Variants in PALS1 observed in about 807,000 individuals in gnomAD.
The protein encoded by PALS1 is protein associated with LIN7 1, MAGUK p55 family member.
In PALS1, 31 loss-of-function variants were observed where a neutral mutation model predicts 78.9. The observed-to-expected ratio is 0.39, with a 90% CI of 0.30 to 0.53. PALS1 has a LOEUF of 0.53. PALS1 is among the 20% of genes least tolerant of loss of function. PALS1 has a pLI of 0.67. For synonymous variants in PALS1, 276 were observed against 270.9 expected (o/e 1.02, Z -0.18); for missense variants, 704 against 826.5 (o/e 0.85, Z 1.82).
At chr14:67,293,552 C>G (rs2084803786) in intron 4 of PALS1, among the ~76,000 whole-genome samples, 1 of 152,094 alleles carries the variant, frequency 6.6e-6, no homozygotes, top group South Asian at 2.1e-4. Flanking sequence ...AGATATTTTT[C>G]TCACTTGTCA....
In PALS1 at chr14:67,300,336, C is replaced by CTTTTTTTTTTTTTTTTTTTTT. The variant is rs36091817; in HGVS notation, c.577-1042_577-1041insTTTTTTTTTTTTTTTTTTTTT. On this transcript the variant is annotated intron_variant, in intron 4 of 14. Transcript: ENST00000261681. ...ACTGGGTTCCTGTATTATGAATTAC[C>CTTTTTTTTTTTTTTTTTTTTT]TTTTTTTTTTTGAGAAAGTCTCATT... is the stretch of plus-strand genomic sequence containing the variant. Among the ~76,000 whole-genome samples, 70 of 139,060 alleles carry CTTTTTTTTTTTTTTTTTTTTT rather than the reference C, an allele frequency of 5.0e-4. 1 individual carries two copies. Among genetic ancestry groups the CTTTTTTTTTTTTTTTTTTTTT allele is most frequent in the Non-Finnish European group, 7.7e-4 (50 of 65,004 alleles). 91.2% of individuals were successfully genotyped at this position (139,060 alleles called of 152,430 possible). A position where few individuals can be genotyped will look rare whatever the true frequency, so the allele number is the denominator to read the frequency against.
At position 67,300,965 on chromosome 14, in the gene PALS1, T is replaced by G. The variant is rs560716928; in HGVS notation, c.577-424T>G. 2.4e-3 allele frequency among the ~76,000 whole-genome samples: 369 copies of G among 152,264 alleles called. 1 individual carries two copies. Among genetic ancestry groups the G allele is most frequent in the Non-Finnish European group, 4.2e-3 (284 of 68,014 alleles). On this transcript the variant is annotated intron_variant, in intron 4 of 14. Transcript: ENST00000261681. ...CCTCAGCCTCTCAAAGTGCTGGGAT[T>G]ACAGGTGTGAGCCACTGCACCCAGC... is the stretch of plus-strand genomic sequence containing the variant.
chr14:67,292,368 C>T (rs925709631), intron 3 of PALS1, 143 bp from the exon 4 acceptor site: 18 of 574,818 alleles, frequency 3.1e-5, no homozygotes, highest in Non-Finnish European at 1.8e-5. Context: ...ATGAAATGAC[C>T]ATGATTGACA....
chr14:67,302,337 A>G lies in PALS1; in HGVS notation c.802-73A>G, dbSNP rs1196448973. On this transcript the variant is annotated intron_variant, in intron 6 of 14. Coordinates refer to ENST00000261681, the MANE Select transcript of PALS1 (RefSeq NM_022474.4). Reference sequence around the variant, plus strand: ...GTTAGTATTGTTGAATGGAAAAAATAGAATTTAAAAATAAATGCTTAACAA... The same window carrying G: ...GTTAGTATTGTTGAATGGAAAAAATGGAATTTAAAAATAAATGCTTAACAA... 7 of 1,212,802 alleles carry G rather than the reference A, an allele frequency of 5.8e-6. No homozygotes were observed. The East Asian group carries it at 1.2e-4, about 21-fold the overall frequency. 75.1% of individuals were successfully genotyped at this position (1,212,802 alleles called of 1,614,324 possible).
At chr14:67,289,813 C>T (rs902744996) in intron 3 of PALS1, among the ~76,000 whole-genome samples, 3 of 148,452 alleles carry the variant, frequency 2.0e-5, no homozygotes, top group African/African-American at 7.5e-5. Context: ...CTCTGTCGCC[C>T]AAGCTGGAGT....
chr14:67,244,836 A>C (rs1001455253), intron 1 of PALS1, among the ~76,000 whole-genome samples: 2 of 152,212 alleles, frequency 1.3e-5, no homozygotes, highest in African/African-American at 4.8e-5. Context: ...TGTTTGCTTA[A>C]GTGGCAAAGG....
At position 67,309,641 on chromosome 14, in the gene PALS1, TG is replaced by T. The variant is rs2085058314; in HGVS notation, c.1042-2884del. On this transcript the variant is annotated intron_variant, in intron 8 of 14. Coordinates refer to ENST00000261681, the MANE Select transcript of PALS1 (RefSeq NM_022474.4). ...ATCTCTGGGTGATTTTGTTGGCCTA[TG>T]GCAATGGTCATAAATGTAGATATTC... Among the ~76,000 whole-genome samples the T allele has an allele frequency of 2.6e-5, 4 of 152,296 alleles. No individual in the cohort carries two copies. The South Asian group carries it at 8.3e-4, about 32-fold the overall frequency.
At chr14:67,287,753 C>T (rs926033310) in intron 3 of PALS1, among the ~76,000 whole-genome samples, 1 of 152,222 alleles carries the variant, frequency 6.6e-6, no homozygotes, top group Non-Finnish European at 1.5e-5. Context: ...ACAGTGTCAT[C>T]TATACGGTTA....
chr14:67,256,209 T>C (rs2084142778), intron 1 of PALS1, among the ~76,000 whole-genome samples: 2 of 152,242 alleles, frequency 1.3e-5, no homozygotes, highest in Admixed American at 1.3e-4. Flanking sequence ...CAATATTGTA[T>C]ATATTCTTCT....
At chr14:67,314,134 C>CT (rs1489749322) in intron 9 of PALS1, among the ~76,000 whole-genome samples, 21 of 151,806 alleles carry the variant, frequency 1.4e-4, no homozygotes, top group African/African-American at 4.4e-4. Context: ...ACAGATTTGG[C>CT]TATAGACTTA....
At chr14:67,295,549 T>C (rs2084836223) in intron 4 of PALS1, among the ~76,000 whole-genome samples, 1 of 147,882 alleles carries the variant, frequency 6.8e-6, no homozygotes, top group Non-Finnish European at 1.5e-5. Flanking sequence ...TAAAAAAAAA[T>C]TGACAACAGT....
chr14:67,302,392 A>G lies in PALS1; in HGVS notation c.802-18A>G. ...TGTATTATTTTTATTTTTAAATTAT[A>G]CATATATATATTTTTAGGGTGCTAC... On this transcript the variant is annotated intron_variant, in intron 6 of 14. Coordinates refer to ENST00000261681, the MANE Select transcript of PALS1 (RefSeq NM_022474.4). The G allele has an allele frequency of 7.0e-7, 1 of 1,432,482 alleles. No individual in the cohort carries two copies. Among genetic ancestry groups the G allele is most frequent in the Non-Finnish European group, 9.3e-7 (1 of 1,075,768 alleles). The allele number at this position is 1,432,482 out of a possible 1,614,324, so 88.7% of individuals were successfully genotyped here. A position where few individuals can be genotyped will look rare whatever the true frequency, so the allele number is the denominator to read the frequency against.
At chr14:67,285,695 T>C (rs571884425) in intron 3 of PALS1, among the ~76,000 whole-genome samples, 1 of 152,220 alleles carries the variant, frequency 6.6e-6, no homozygotes, top group South Asian at 2.1e-4. Flanking sequence ...TGTTTACCCT[T>C]ATAACCAAAA....
At chr14:67,286,626 T>G (rs2140761339) in intron 3 of PALS1, among the ~76,000 whole-genome samples, 1 of 151,184 alleles carries the variant, frequency 6.6e-6, no homozygotes, top group Admixed American at 6.6e-5. Flanking sequence ...GAGGCCGAGG[T>G]GGGTGGATCG....
At chr14:67,293,230 TTGTTTCTGATGCTAACTGG>T (rs1199930849) in intron 4 of PALS1, among the ~76,000 whole-genome samples, 10 of 152,164 alleles carry the variant, frequency 6.6e-5, no homozygotes, top group Non-Finnish European at 1.3e-4. Context: ...ACTTAAATTC[TTGTTTCTGATGCTAACTGG>T]TGTTCAGTGT....
chr14:67,289,335 C>T (rs145436848), intron 3 of PALS1, among the ~76,000 whole-genome samples: 41 of 152,188 alleles, frequency 2.7e-4, no homozygotes, highest in African/African-American at 9.6e-4. Context: ...CTGAACAATA[C>T]AATATAACAG....
chr14:67,309,638 C>A (rs2085058174), intron 8 of PALS1, among the ~76,000 whole-genome samples: 1 of 152,110 alleles, frequency 6.6e-6, no homozygotes, highest in African/African-American at 2.4e-5. Context: ...TTTTGTTGGC[C>A]TATGGCAATG....
intron 3 of PALS1, among the ~76,000 whole-genome samples, chr14:67,284,894 C>T (rs1044800766): frequency 6.6e-6 from 1 of 151,962 alleles, no homozygotes; most frequent in Non-Finnish European, 1.5e-5. Context: ...TTCCATTCGT[C>T]TAGGTTAAAA....
chr14:67,303,539 T>C lies in PALS1; in HGVS notation c.981T>C (p.Thr327=). 1 of 1,613,594 alleles carries C rather than the reference T, an allele frequency of 6.2e-7. No homozygotes were observed. The highest frequency in any genetic ancestry group is 8.5e-7 in the Non-Finnish European group (1 of 1,179,510). ...TATTACAGTCTGATATGCATGGTAC[T>C]TTGACTTTTGTCCTGATTCCCAGTC... The part of the protein sequence containing the change: ...VFDLLSDMHG[T]LTFVLIPSQQ... The change falls in exon 8 of 15, where the codon ACT becomes ACC. Residue 327 remains threonine, a synonymous_variant. Coordinates refer to ENST00000261681, the MANE Select transcript of PALS1 (RefSeq NM_022474.4).
Sources: allele counts gnomAD v4.1 joint callset (sites outside exome capture counted in the v4.1 genomes callset), GRCh38; gene constraint gnomAD v4.1.1; transcripts MANE v1.5; gene names NCBI Gene and HGNC (gene_info 2026-07-23, HGNC 2026-07-21).